VPS13D: variants seen among roughly 807,000 people sequenced by gnomAD.
VPS13D encodes the protein vacuolar protein sorting 13 homolog D.
A neutral mutation model predicts 461.9 loss-of-function variants in VPS13D; 187 were observed. The ratio of observed to expected loss-of-function variants is 0.40; its 90% CI spans 0.36 to 0.46. VPS13D has a LOEUF of 0.46. VPS13D is among the 20% of genes least tolerant of loss of function. The pLI is 0.60. For synonymous variants in VPS13D, 1,951 were observed against 1,986.3 expected (o/e 0.98, Z 0.47); for missense variants, 4,711 against 5,364.9 (o/e 0.88, Z 3.81).
intron 54 of VPS13D, among the ~76,000 whole-genome samples, chr1:12,370,407 A>G (rs990988531): frequency 2.0e-5 from 3 of 152,258 alleles, no homozygotes; most frequent in African/African-American, 7.2e-5. Context: ...AACATTACAA[A>G]TATAAATCAC....
chr1:12,290,872 C>A (rs1642112939), intron 22 of VPS13D, 126 bp from the exon 23 acceptor site: 1 of 857,802 alleles, frequency 1.2e-6, no homozygotes, highest in Non-Finnish European at 1.6e-6. Context: ...TGAAAATTTG[C>A]TTTTGAGGTT....
intron 60 of VPS13D, among the ~76,000 whole-genome samples, chr1:12,388,214 A>G (rs2101658403): frequency 6.6e-6 from 1 of 152,338 alleles, no homozygotes; most frequent in East Asian, 1.9e-4. Context: ...AAAGATAAAC[A>G]GCATAAACTC....
intron 26 of VPS13D, among the ~76,000 whole-genome samples, chr1:12,306,389 C>T (rs75733654): frequency 0.02 from 3,006 of 152,298 alleles, 129 homozygotes; most frequent in Admixed American, 0.11. Flanking sequence ...AGTCTGTCTG[C>T]ATGCACATCT....
At chr1:12,430,808 A>C (rs1035761330) in intron 65 of VPS13D, among the ~76,000 whole-genome samples, 2 of 152,214 alleles carry the variant, frequency 1.3e-5, no homozygotes, top group South Asian at 4.1e-4. Context: ...CGGGTCATGC[A>C]AATCTCCAGT....
chr1:12,311,648 C>T, intron 28 of VPS13D, 23 bp downstream of exon 28: 8 of 1,612,752 alleles, frequency 5.0e-6, no homozygotes, highest in Non-Finnish European at 6.8e-6. Context: ...TTATGTTCTT[C>T]TGTCACTCTC....
intron 58 of VPS13D, among the ~76,000 whole-genome samples, chr1:12,384,440 T>G (rs185961753): frequency 6.6e-6 from 1 of 152,098 alleles, no homozygotes; most frequent in Non-Finnish European, 1.5e-5. Flanking sequence ...CTGTGTGATA[T>G]CTATGTGAAG....
chr1:12,459,306 G>A (rs570818550), intron 66 of VPS13D, among the ~76,000 whole-genome samples: 5 of 152,238 alleles, frequency 3.3e-5, no homozygotes, highest in South Asian at 2.1e-4. Context: ...GTGATTTAAC[G>A]TATACAGGAC....
At chr1:12,245,694 C>T (rs1383696424) in intron 5 of VPS13D, among the ~76,000 whole-genome samples, 7 of 152,096 alleles carry the variant, frequency 4.6e-5, no homozygotes, top group South Asian at 2.1e-4. Flanking sequence ...AGTGCCCCTG[C>T]ACCCCATTCT....
At chr1:12,314,736 A>G (rs1642844529) in intron 30 of VPS13D, among the ~76,000 whole-genome samples, 1 of 152,206 alleles carries the variant, frequency 6.6e-6, no homozygotes, top group African/African-American at 2.4e-5. Context: ...TTACTGACTC[A>G]TTATCCATGT....
chr1:12,491,837 C>G (rs1645886204), intron 67 of VPS13D, among the ~76,000 whole-genome samples: 1 of 152,230 alleles, frequency 6.6e-6, no homozygotes, highest in Non-Finnish European at 1.5e-5. Flanking sequence ...CTGCTTCTTT[C>G]TATACACTGT....
At chr1:12,342,773 A>G (rs1643598372) in intron 41 of VPS13D, 126 bp from the exon 42 acceptor site, 1 of 1,091,118 alleles carries the variant, frequency 9.2e-7, no homozygotes, top group Non-Finnish European at 1.3e-6. Context: ...CTTTGTAGCT[A>G]GGTCATGCAG....
intron 29 of VPS13D, among the ~76,000 whole-genome samples, chr1:12,312,658 G>A (rs910283319): frequency 2.0e-5 from 3 of 152,170 alleles, no homozygotes; most frequent in South Asian, 2.1e-4. Context: ...TACTCAAGGC[G>A]TTAAGGTGAG....
At chr1:12,373,003 T>C (rs1644142935) in intron 54 of VPS13D, among the ~76,000 whole-genome samples, 1 of 151,770 alleles carries the variant, frequency 6.6e-6, no homozygotes, top group Admixed American at 6.6e-5. Flanking sequence ...AAGGGACTTC[T>C]GATTTCTTGC....
chr1:12,410,856 G>A (rs548812452), intron 63 of VPS13D, among the ~76,000 whole-genome samples: 4 of 152,250 alleles, frequency 2.6e-5, no homozygotes, highest in Middle Eastern at 6.8e-3. Context: ...ACATCAACAC[G>A]ATAAAATAGA....
chr1:12,451,203 C>G (rs1291497016), intron 65 of VPS13D, among the ~76,000 whole-genome samples: 1 of 152,194 alleles, frequency 6.6e-6, no homozygotes, highest in South Asian at 2.1e-4. Flanking sequence ...GGAGCCAGGC[C>G]CCAAACCCAG....
At position 12,230,907 on chromosome 1, in the gene VPS13D, G is replaced by A. The variant is rs907495722; in HGVS notation, c.-77+787G>A. On this transcript the variant is annotated intron_variant, in intron 1 of 69. Transcript: ENST00000620676. ...GAGGGGGCTGAGGGTTCCGAGAGCT[G>A]GGGGCGGGAGGGTTGTGGGAGCGTC... Among the ~76,000 whole-genome samples the A allele has an allele frequency of 2.6e-4, 40 of 152,144 alleles. 1 individual carries two copies. Among genetic ancestry groups the A allele is most frequent in the Non-Finnish European group, 8.8e-5 (6 of 68,010 alleles).
intron 29 of VPS13D, among the ~76,000 whole-genome samples, chr1:12,313,906 C>T (rs1642823060): frequency 6.6e-6 from 1 of 152,198 alleles, no homozygotes; most frequent in Admixed American, 6.5e-5. Context: ...CTCTTTGGAA[C>T]TGGAAAAGTA....
At chr1:12,275,091 C>T (rs1641568666) in intron 18 of VPS13D, among the ~76,000 whole-genome samples, 1 of 152,122 alleles carries the variant, frequency 6.6e-6, no homozygotes, top group South Asian at 2.1e-4. Flanking sequence ...TGGTAGCAGG[C>T]ACATGTAATC....
intron 65 of VPS13D, among the ~76,000 whole-genome samples, chr1:12,452,233 G>C (rs996887076): frequency 6.6e-6 from 1 of 152,162 alleles, no homozygotes; most frequent in Non-Finnish European, 1.5e-5. Context: ...CTCATATCGG[G>C]ACTCATTTTT....
Sources: allele counts gnomAD v4.1 joint callset (sites outside exome capture counted in the v4.1 genomes callset), GRCh38; gene constraint gnomAD v4.1.1; transcripts MANE v1.5; gene names NCBI Gene and HGNC (gene_info 2026-07-23, HGNC 2026-07-21).